Variants in ADAMTSL1 observed in about 807,000 individuals in gnomAD.
ADAMTSL1 encodes the protein ADAMTS like 1.
Under a neutral mutation model 201.8 loss-of-function variants are expected in ADAMTSL1, and 126 were observed. The observed-to-expected ratio is 0.62, with a 90% CI of 0.54 to 0.72. ADAMTSL1 has a LOEUF of 0.72. ADAMTSL1 is among the 30% of genes least tolerant of loss of function. The pLI is 0.00. For missense variants in ADAMTSL1, 2,679 were observed against 2,277.8 expected, an observed-to-expected ratio of 1.18 and a Z score of -3.59; for synonymous variants, 1,121 against 903.4, an observed-to-expected ratio of 1.24 and a Z score of -4.32.
chr9:18,640,857 C>A (rs1587770427), intron 7 of ADAMTSL1, among the ~76,000 whole-genome samples: 1 of 151,968 alleles, frequency 6.6e-6, no homozygotes, highest in East Asian at 1.9e-4. Context: ...TACCATGGAC[C>A]CTGAGCTAGT....
chr9:18,810,160 C>A (rs568042714), intron 20 of ADAMTSL1, among the ~76,000 whole-genome samples: 8 of 152,110 alleles, frequency 5.3e-5, no homozygotes, highest in African/African-American at 1.9e-4. Flanking sequence ...TTACTATGCT[C>A]AACAATCATT....
intron 2 of ADAMTSL1, among the ~76,000 whole-genome samples, chr9:18,405,206 G>T (rs563622106): frequency 6.6e-6 from 1 of 152,080 alleles, no homozygotes; most frequent in Non-Finnish European, 1.5e-5. Context: ...ATTTCCAAGG[G>T]CAAAGAATTA....
chr9:17,913,812 A>G (rs1825982804), intron 1 of ADAMTSL1, among the ~76,000 whole-genome samples: 1 of 8,886 alleles, frequency 1.1e-4, no homozygotes, highest in South Asian at 0.045. Flanking sequence ...AGAATCAAAT[A>G]GACGCAATAA....
At chr9:18,047,860 A>G (rs1472326902) in intron 1 of ADAMTSL1, among the ~76,000 whole-genome samples, 1 of 152,220 alleles carries the variant, frequency 6.6e-6, no homozygotes, top group Non-Finnish European at 1.5e-5. Context: ...GTTGACTTCC[A>G]GATGGAATCA....
At chr9:18,683,222 T>G (rs913967118) in intron 12 of ADAMTSL1, among the ~76,000 whole-genome samples, 10 of 50,860 alleles carry the variant, frequency 2.0e-4, no homozygotes, top group Admixed American at 1.1e-3. Flanking sequence ...TTTACTGAGG[T>G]TTTTTTTGTT....
At chr9:18,719,186 A>G (rs56892216) in intron 14 of ADAMTSL1, among the ~76,000 whole-genome samples, 262 of 152,336 alleles carry the variant, frequency 1.7e-3, no homozygotes, top group African/African-American at 6.2e-3. Flanking sequence ...ATATGATGGA[A>G]TAATTTGAAT....
intron 23 of ADAMTSL1, among the ~76,000 whole-genome samples, chr9:18,866,561 G>A (rs1827551985): frequency 6.6e-6 from 1 of 152,138 alleles, no homozygotes; most frequent in Admixed American, 6.5e-5. Context: ...TCCTAAAAGT[G>A]TTTCCAATTC....
intron 2 of ADAMTSL1, among the ~76,000 whole-genome samples, chr9:18,169,723 C>T (rs1035054337): frequency 3.9e-5 from 6 of 152,062 alleles, no homozygotes; most frequent in Non-Finnish European, 8.8e-5. Flanking sequence ...GGCAGTATGG[C>T]TATTTTCATG....
intron 10 of ADAMTSL1, among the ~76,000 whole-genome samples, chr9:18,678,156 T>C (rs1348266168): frequency 6.6e-6 from 1 of 152,138 alleles, no homozygotes; most frequent in Non-Finnish European, 1.5e-5. Context: ...TATGCCACTC[T>C]TGTGCATCCT....
intron 2 of ADAMTSL1, among the ~76,000 whole-genome samples, chr9:18,366,962 C>T (rs962809030): frequency 6.6e-6 from 1 of 152,144 alleles, no homozygotes; most frequent in African/African-American, 2.4e-5. Flanking sequence ...TTATCTCTTA[C>T]TCTTTTTGTC....
intron 1 of ADAMTSL1, among the ~76,000 whole-genome samples, chr9:18,154,863 A>G (rs1164027200): frequency 1.3e-5 from 2 of 152,082 alleles, no homozygotes; most frequent in Admixed American, 6.6e-5. Context: ...TTTTCTTGAG[A>G]TACTGAGTAA....
At chr9:17,990,334 C>A (rs903623659) in intron 1 of ADAMTSL1, among the ~76,000 whole-genome samples, 1 of 151,992 alleles carries the variant, frequency 6.6e-6, no homozygotes, top group Non-Finnish European at 1.5e-5. Flanking sequence ...AGTCCACATC[C>A]TTAATCACTG....
At chr9:18,732,897 A>G (rs1588007462) in intron 15 of ADAMTSL1, among the ~76,000 whole-genome samples, 1 of 152,162 alleles carries the variant, frequency 6.6e-6, no homozygotes, top group East Asian at 1.9e-4. Flanking sequence ...AGTGCCCATC[A>G]CTTTATATAC....
intron 2 of ADAMTSL1, among the ~76,000 whole-genome samples, chr9:18,434,379 G>A (rs1362074202): frequency 6.6e-6 from 1 of 152,016 alleles, no homozygotes; most frequent in Non-Finnish European, 1.5e-5. Flanking sequence ...ATTCAATTTT[G>A]GCAAATTTTT....
chr9:18,674,433 A>G (rs545967773), intron 9 of ADAMTSL1, among the ~76,000 whole-genome samples: 1 of 152,112 alleles, frequency 6.6e-6, no homozygotes, highest in East Asian at 1.9e-4. Flanking sequence ...ACCTTTCAGT[A>G]ATTTCTTCAG....
At position 18,154,633 on chromosome 9, in the gene ADAMTSL1, C is replaced by G. The variant is rs960336198; in HGVS notation, c.88-9229C>G. On this transcript the variant is annotated intron_variant, in intron 1 of 29. Coordinates refer to the ADAMTSL1 transcript ENST00000680146. ...ATAAACAAATGACAAAAGAGTAATACATAAATATATTCAGCAGTCTGATTC... is the reference window on the plus strand; with the variant it reads ...ATAAACAAATGACAAAAGAGTAATAGATAAATATATTCAGCAGTCTGATTC... 1.7e-4 allele frequency among the ~76,000 whole-genome samples: 26 copies of G among 152,036 alleles called. 1 individual carries two copies. Among genetic ancestry groups the G allele is most frequent in the Non-Finnish European group, 2.9e-5 (2 of 67,972 alleles).
chr9:18,019,837 G>T (rs1021976084), intron 1 of ADAMTSL1, among the ~76,000 whole-genome samples: 1 of 152,038 alleles, frequency 6.6e-6, no homozygotes, highest in African/African-American at 2.4e-5. Flanking sequence ...GACTTATAGA[G>T]TAGAGTCCAA....
intron 1 of ADAMTSL1, among the ~76,000 whole-genome samples, chr9:18,083,106 A>G (rs1385809864): frequency 6.6e-6 from 1 of 152,194 alleles, no homozygotes; most frequent in African/African-American, 2.4e-5. Flanking sequence ...AAGACTTGAG[A>G]CAAAAAGACT....
At chr9:18,033,891 A>G (rs577219009) in intron 1 of ADAMTSL1, among the ~76,000 whole-genome samples, 10 of 152,176 alleles carry the variant, frequency 6.6e-5, no homozygotes, top group Admixed American at 3.3e-4. Flanking sequence ...TTTGTTGGTT[A>G]TTTTCTTCTT....
Sources: allele counts gnomAD v4.1 joint callset (sites outside exome capture counted in the v4.1 genomes callset), GRCh38; gene constraint gnomAD v4.1.1; transcripts MANE v1.5; gene names NCBI Gene and HGNC (gene_info 2026-07-23, HGNC 2026-07-21).